BRWD3: variants seen among roughly 807,000 people sequenced by gnomAD.
BRWD3 encodes bromodomain and WD repeat-containing protein 3.
In BRWD3, 10 loss-of-function variants were observed where a neutral mutation model predicts 149.7. That is an observed-to-expected ratio of 0.07 (90% CI 0.04 to 0.11). BRWD3 has a LOEUF of 0.11. BRWD3 is among the 10% of genes least tolerant of loss of function. The probability of loss-of-function intolerance (pLI) is 1.00; values close to 1 mark genes in which losing one functional copy is unlikely to be tolerated. For missense variants in BRWD3, 940 were observed against 1,373.2 expected (o/e 0.68, Z 4.99); for synonymous variants, 504 against 456.7 (o/e 1.10, Z -1.32).
intron 22 of BRWD3, 39 bp downstream of exon 22, chrX:80,707,388 G>A: frequency 9.2e-7 from 1 of 1,089,488 alleles, no homozygotes; most frequent in East Asian, 3.0e-5. Flanking sequence ...TATTAAAACT[G>A]TTCAATAATT....
intron 4 of BRWD3, among the ~76,000 whole-genome samples, chrX:80,802,495 A>C (rs2074310993): frequency 9.3e-6 from 1 of 107,483 alleles, no homozygotes; most frequent in Admixed American, 1.0e-4. Flanking sequence ...TTAGGGGATG[A>C]TATCTCATCG....
chrX:80,706,858 C>G (rs1032542837), intron 22 of BRWD3, among the ~76,000 whole-genome samples: 1 of 112,668 alleles, frequency 8.9e-6, no homozygotes, highest in African/African-American at 3.2e-5. Context: ...AGCAAGACAC[C>G]ATCTCTAAAA....
intron 22 of BRWD3, among the ~76,000 whole-genome samples, chrX:80,706,582 C>T (rs1462697107): frequency 1.8e-5 from 2 of 112,006 alleles, no homozygotes; most frequent in Non-Finnish European, 3.8e-5. Flanking sequence ...TCCTGTTCAA[C>T]GGAAGGTATT....
At chrX:80,741,277 T>A (rs2147785821) in intron 8 of BRWD3, among the ~76,000 whole-genome samples, 1 of 112,197 alleles carries the variant, frequency 8.9e-6, no homozygotes, top group Non-Finnish European at 1.9e-5. Flanking sequence ...CCATGGTGTA[T>A]ATGTGCCACA....
intron 7 of BRWD3, among the ~76,000 whole-genome samples, chrX:80,744,851 G>T (rs1460260890): frequency 9.0e-6 from 1 of 111,452 alleles, no homozygotes; most frequent in Non-Finnish European, 1.9e-5. Flanking sequence ...AAATACTTAT[G>T]TGACGCATTT....
chrX:80,788,310 T>G (rs774186344), intron 6 of BRWD3, among the ~76,000 whole-genome samples: 2 of 109,445 alleles, frequency 1.8e-5, no homozygotes, highest in South Asian at 7.8e-4. Flanking sequence ...CAACTGCACA[T>G]TGAGAGAAAA....
chrX:80,798,324 T>C lies in BRWD3; in HGVS notation c.181-4552A>G, dbSNP rs182940963. On this transcript the variant is annotated intron_variant, in intron 4 of 40. Coordinates refer to ENST00000373275, the MANE Select transcript of BRWD3 (RefSeq NM_153252.5). ...GTAGTTAACTGCTTACTTGAATCTG[T>C]TTGCTTTTCATTAAAGCTGGAAATT... Among the ~76,000 whole-genome samples, 5 of 111,107 alleles carry C rather than the reference T, an allele frequency of 4.5e-5. No homozygotes were observed. In the East Asian group the frequency reaches 1.1e-3, roughly 25 times the overall value.
rs746525226 is a variant in BRWD3 at position 80,707,552 on chromosome X, G to GT, written c.2476-50dup. On this transcript the variant is annotated intron_variant, in intron 21 of 40. Transcript: ENST00000373275. ...AGATATATGGATATTACCAGCTAAT[G>GT]TATTTCTAATTAAAAAACCACTACC... The GT allele has an allele frequency of 2.0e-5, 22 of 1,113,691 alleles. No homozygotes were observed. The African/African-American group carries it at 3.8e-4, about 19-fold the overall frequency. 91.8% of individuals were successfully genotyped at this position (1,113,691 alleles called of 1,213,427 possible).
intron 38 of BRWD3, 101 bp from the exon 39 acceptor site, chrX:80,682,195 G>C: frequency 4.3e-6 from 3 of 694,064 alleles, no homozygotes; most frequent in African/African-American, 2.2e-5. Flanking sequence ...TCAGGTATTA[G>C]CTGGCCAAAG....
intron 4 of BRWD3, among the ~76,000 whole-genome samples, chrX:80,807,267 G>A (rs1395294765): frequency 9.0e-6 from 1 of 111,451 alleles, no homozygotes; most frequent in Non-Finnish European, 1.9e-5. Context: ...ACAGATGGTC[G>A]AGTTTACCCT....
intron 4 of BRWD3, among the ~76,000 whole-genome samples, chrX:80,798,427 G>A (rs1450476336): frequency 9.1e-6 from 1 of 109,960 alleles, no homozygotes; most frequent in Non-Finnish European, 1.9e-5. Flanking sequence ...AATCTATATT[G>A]TTATATCATA....
chrX:80,687,905 T>TAC (rs1030019619), intron 34 of BRWD3, among the ~76,000 whole-genome samples, 164 bp downstream of exon 34: 2 of 110,675 alleles, frequency 1.8e-5, no homozygotes, highest in African/African-American at 3.3e-5. Flanking sequence ...CTCAACTGGG[T>TAC]ACCCTTACTG....
At chrX:80,781,079 G>A (rs7051304) in intron 6 of BRWD3, among the ~76,000 whole-genome samples, 2 of 112,032 alleles carry the variant, frequency 1.8e-5, no homozygotes, top group African/African-American at 6.5e-5. Context: ...GTCCTGAGCT[G>A]TATACAGTGT....
Position 80,807,717 on chromosome X carries a change from T to C in BRWD3, c.180+822A>G, listed in dbSNP as rs1038142532. Reference sequence around the variant, plus strand: ...AATTATATTTGCAGGAGAAACAACATAGACCAATGCCTTTGGTCCTTCACT... The same window carrying C: ...AATTATATTTGCAGGAGAAACAACACAGACCAATGCCTTTGGTCCTTCACT... On this transcript the variant is annotated intron_variant, in intron 4 of 40. Coordinates refer to ENST00000373275, the MANE Select transcript of BRWD3 (RefSeq NM_153252.5). Among the ~76,000 whole-genome samples, 20 of 111,966 alleles carry C rather than the reference T, an allele frequency of 1.8e-4. No individual in the cohort carries two copies. In the Admixed American group the frequency reaches 1.8e-3, roughly 10 times the overall value.
intron 27 of BRWD3, among the ~76,000 whole-genome samples, 168 bp downstream of exon 27, chrX:80,695,740 A>C (rs746931977): frequency 9.8e-5 from 11 of 112,081 alleles, no homozygotes; most frequent in Non-Finnish European, 1.7e-4. Flanking sequence ...AGCCACACAC[A>C]ATGTGCATAA....
chrX:80,802,698 G>T (rs1423953856), intron 4 of BRWD3, among the ~76,000 whole-genome samples: 2 of 110,493 alleles, frequency 1.8e-5, no homozygotes, highest in African/African-American at 6.6e-5. Flanking sequence ...TATAATTGAG[G>T]AAAGTCAATC....
rs1396571597 is a variant in BRWD3 at position 80,725,043 on chromosome X, G to A, written c.1411C>T (p.Leu471=). The A allele has an allele frequency of 8.3e-7, 1 of 1,207,478 alleles. No individual in the cohort carries two copies. Among genetic ancestry groups the A allele is most frequent in the Non-Finnish European group, 1.1e-6 (1 of 892,047 alleles). The change falls in exon 15 of 41, where the codon CTA becomes TTA. Residue 471 remains leucine (L), a synonymous_variant. Transcript: ENST00000373275. ...CTTTGATCAAATGGATGGGCTTCTA[G>A]AACGAATACTTCATCATCATGTCCC... ...LSGHDDEVFV[L]EAHPFDQRII... is the part of the protein sequence containing the mutation.
intron 6 of BRWD3, 38 bp downstream of exon 6, chrX:80,791,816 T>A: frequency 9.7e-7 from 1 of 1,029,007 alleles, no homozygotes; most frequent in Non-Finnish European, 1.4e-6. Context: ...AAGGAAAGAA[T>A]CAACAATCTG....
chrX:80,732,020 G>A (rs1187851419), intron 12 of BRWD3, among the ~76,000 whole-genome samples: 1 of 110,584 alleles, frequency 9.0e-6, no homozygotes, highest in Non-Finnish European at 1.9e-5. Context: ...TCCACACCTG[G>A]CCTCTTGTGA....
Sources: gnomAD v4.1 joint callset for allele counts (sites outside exome capture counted in the v4.1 genomes callset) on GRCh38, gnomAD v4.1.1 for gene constraint, MANE v1.5 for transcripts, NCBI Gene and HGNC (gene_info 2026-07-23, HGNC 2026-07-21) for gene names.